The following ELFN1 variants were observed in gnomAD, a reference collection of about 807,000 sequenced individuals.
ELFN1 encodes extracellular leucine rich repeat and fibronectin type III domain containing 1.
Under a neutral mutation model 7.6 loss-of-function variants are expected in ELFN1, and 6 were observed. The observed-to-expected ratio is 0.79, with a 90% CI of 0.43 to 1.56. The LOEUF is 1.56. Among genes scored for constraint, ELFN1 ranks in the 40% most tolerant of loss-of-function variants. ELFN1 has a pLI of 0.01. For synonymous variants in ELFN1, 657 were observed against 588.1 expected (o/e 1.12, Z -1.70); for missense variants, 1,169 against 1,232.2 (o/e 0.95, Z 0.77).
chr7:1,730,862 G>A (rs1037452874), intron 3 of ELFN1, among the ~76,000 whole-genome samples: 3 of 152,166 alleles, frequency 2.0e-5, no homozygotes, highest in African/African-American at 7.2e-5. Context: ...GGGAAGAATT[G>A]TAATTATTTG....
intron 2 of ELFN1, among the ~76,000 whole-genome samples, chr7:1,704,847 C>T: frequency 6.6e-6 from 1 of 152,050 alleles, no homozygotes; most frequent in African/African-American, 2.4e-5. Flanking sequence ...AGGCCCCACA[C>T]CAAGGGTCAG....
In ELFN1 at chr7:1,705,813, C is replaced by G. The variant is rs182324480; in HGVS notation, c.-455-3278C>G. 1.4e-4 allele frequency among the ~76,000 whole-genome samples: 21 copies of G among 152,278 alleles called. No individual in the cohort carries two copies. The East Asian group carries it at 4.1e-3, about 29-fold the overall frequency. ...ATGGTCCTCGGGGAGGTCTGATGAG[C>G]CCCCGAATATCACAGACAAAACTGC... On this transcript the variant is annotated intron_variant, in intron 2 of 3. Transcript: ENST00000424383. This position sits in a 1 kb window ranked among gnomAD's most constrained non-coding sequence, Gnocchi z 4.3.
In ELFN1 at chr7:1,747,302, CCACACACACA is replaced by C. The variant is rs143376319; in HGVS notation, c.*243_*252del. 7.4e-6 allele frequency: 2 copies of C among 270,190 alleles called. No homozygotes were observed. The highest frequency in any genetic ancestry group is 6.4e-6 in the Non-Finnish European group (1 of 155,096). The allele number at this position is 270,190 out of a possible 1,614,324, so 16.7% of individuals were successfully genotyped here. A position where few individuals can be genotyped will look rare whatever the true frequency, so the allele number is the denominator to read the frequency against. On this transcript the variant is annotated 3_prime_UTR_variant, in exon 4 of 4. Transcript: ENST00000424383. ...GCTTGTCGCCCCGGGTGGCACGTGT[CCACACACACA>C]CACACACACACACACACACACACGA... is the stretch of plus-strand genomic sequence containing the variant.
intron 3 of ELFN1, among the ~76,000 whole-genome samples, chr7:1,709,937 T>C (rs1218410104): frequency 1.3e-5 from 2 of 152,226 alleles, no homozygotes; most frequent in African/African-American, 2.4e-5. Context: ...CAACTGTACT[T>C]TGGATTTGGG....
At chr7:1,676,503 G>T (rs1778874297) in intron 1 of ELFN1, among the ~76,000 whole-genome samples, 1 of 152,220 alleles carries the variant, frequency 6.6e-6, no homozygotes, top group Non-Finnish European at 1.5e-5. Context: ...ATGGCTGTGG[G>T]GAGTGTAAAT....
upstream of ELFN1, among the ~76,000 whole-genome samples, chr7:1,666,670 G>T (rs1026327464): frequency 1.3e-5 from 2 of 151,816 alleles, no homozygotes; most frequent in South Asian, 2.1e-4. The surrounding 1 kb of genome is among the most constrained non-coding windows in gnomAD (Gnocchi z 7.9). Flanking sequence ...CTTCGAGTGC[G>T]CTGGGGTAGC....
chr7:1,714,738 A>G (rs1562372258), intron 3 of ELFN1, among the ~76,000 whole-genome samples: 2 of 152,238 alleles, frequency 1.3e-5, no homozygotes, highest in Admixed American at 6.5e-5. Context: ...TTTTAAAGTG[A>G]GAGTAACTTT....
chr7:1,704,416 C>T (rs2128585519), intron 2 of ELFN1, among the ~76,000 whole-genome samples: 1 of 152,322 alleles, frequency 6.6e-6, no homozygotes, highest in East Asian at 1.9e-4. Context: ...CACACAGACA[C>T]TCACACATGC....
intron 3 of ELFN1, among the ~76,000 whole-genome samples, chr7:1,729,451 G>T (rs982300727): frequency 6.6e-6 from 1 of 152,148 alleles, no homozygotes; most frequent in Non-Finnish European, 1.5e-5. Flanking sequence ...TCTCAGTCTC[G>T]ATGGGACCAC....
At chr7:1,680,056 G>A (rs1778946196) in intron 1 of ELFN1, among the ~76,000 whole-genome samples, 1 of 152,246 alleles carries the variant, frequency 6.6e-6, no homozygotes, top group Non-Finnish European at 1.5e-5. Flanking sequence ...CGCATTAGAA[G>A]TGTTCATTCA....
chr7:1,689,473 A>G (rs1286190701), intron 2 of ELFN1, among the ~76,000 whole-genome samples: 3 of 152,166 alleles, frequency 2.0e-5, no homozygotes, highest in Non-Finnish European at 4.4e-5. Flanking sequence ...AACCATGAAT[A>G]CATTTCTGGG....
At chr7:1,737,657 G>T (rs1363311175) in intron 3 of ELFN1, among the ~76,000 whole-genome samples, 1 of 152,006 alleles carries the variant, frequency 6.6e-6, no homozygotes, top group South Asian at 2.1e-4. Context: ...CCACCTCCCC[G>T]CAGCCCTGTC....
intron 2 of ELFN1, among the ~76,000 whole-genome samples, chr7:1,708,470 C>T (rs1027570654): frequency 6.6e-6 from 1 of 152,236 alleles, no homozygotes; most frequent in Non-Finnish European, 1.5e-5. Flanking sequence ...CTTCTGCCTC[C>T]TGACTTAGTT....
At chr7:1,743,970 C>T (rs1780701775) in intron 3 of ELFN1, among the ~76,000 whole-genome samples, 1 of 152,190 alleles carries the variant, frequency 6.6e-6, no homozygotes, top group South Asian at 2.1e-4. Flanking sequence ...GCTTCAGGGA[C>T]CTCGATTCTG....
intron 3 of ELFN1, among the ~76,000 whole-genome samples, chr7:1,714,207 G>A (rs1438745732): frequency 6.6e-6 from 1 of 152,084 alleles, no homozygotes; most frequent in African/African-American, 2.4e-5. Context: ...CAGCCCCAAG[G>A]GAAACCCATC....
intron 3 of ELFN1, among the ~76,000 whole-genome samples, chr7:1,737,862 G>A (rs374091840): frequency 2.6e-5 from 4 of 152,258 alleles, no homozygotes; most frequent in East Asian, 1.9e-4. Context: ...GTCTGACCCC[G>A]TTCTCTGTTC....
intron 1 of ELFN1, among the ~76,000 whole-genome samples, chr7:1,679,011 C>G (rs1472821267): frequency 3.9e-5 from 6 of 151,936 alleles, no homozygotes; most frequent in Non-Finnish European, 8.8e-5. Context: ...GCCTGGGGAC[C>G]CTGACCCTCA....
intron 2 of ELFN1, among the ~76,000 whole-genome samples, chr7:1,702,293 G>A (rs899256497): frequency 1.6e-4 from 24 of 151,822 alleles, no homozygotes; most frequent in African/African-American, 5.3e-4. Context: ...GCGTGATGGC[G>A]GGTGCCTGTA....
intron 3 of ELFN1, among the ~76,000 whole-genome samples, chr7:1,729,717 G>A (rs908299651): frequency 7.2e-5 from 11 of 152,300 alleles, no homozygotes; most frequent in South Asian, 2.1e-4. Flanking sequence ...AGGTAGAGAC[G>A]CAGCTGTCTT....
Sources: gnomAD v4.1 joint callset for allele counts (sites outside exome capture counted in the v4.1 genomes callset) on GRCh38, gnomAD v4.1.1 for gene constraint, Gnocchi (gnomAD v3.1) non-coding constraint, MANE v1.5 for transcripts, NCBI Gene and HGNC (gene_info 2026-07-23, HGNC 2026-07-21) for gene names.